The following LRRC4C variants were observed in gnomAD, a reference collection of about 807,000 sequenced individuals.
LRRC4C encodes the protein leucine rich repeat containing 4C.
LRRC4C carries 5 observed loss-of-function variants against 33.6 expected under a neutral mutation model. The ratio of observed to expected loss-of-function variants is 0.15; its 90% CI spans 0.08 to 0.31. The LOEUF (loss-of-function observed/expected upper bound fraction) is 0.31. LRRC4C is among the 10% of genes least tolerant of loss of function. The pLI is 1.00. For missense variants in LRRC4C, 560 were observed against 796.7 expected (o/e 0.70, Z 3.58); for synonymous variants, 329 against 302.0 (o/e 1.09, Z -0.93).
At chr11:40,524,394 T>C (rs756828702) in intron 3 of LRRC4C, among the ~76,000 whole-genome samples, 119 of 152,306 alleles carry the variant, frequency 7.8e-4, no homozygotes, top group Non-Finnish European at 1.2e-3. Flanking sequence ...TCTATTAAAT[T>C]ACCATTATTA....
At chr11:41,184,247 G>GA in intron 1 of LRRC4C, among the ~76,000 whole-genome samples, 1 of 150,524 alleles carries the variant, frequency 6.6e-6, no homozygotes, top group East Asian at 1.9e-4. Flanking sequence ...TTTCTCTTCA[G>GA]AAAATGCGTT....
intron 1 of LRRC4C, among the ~76,000 whole-genome samples, chr11:41,068,238 C>T (rs188648838): frequency 2.8e-4 from 42 of 152,078 alleles, no homozygotes; most frequent in African/African-American, 8.7e-4. Flanking sequence ...ATTAAAAATA[C>T]AAAAATTAGC....
At chr11:41,065,864 A>G (rs1938196067) in intron 1 of LRRC4C, among the ~76,000 whole-genome samples, 3 of 152,212 alleles carry the variant, frequency 2.0e-5, no homozygotes, top group Admixed American at 6.5e-5. Flanking sequence ...AGAAATAACA[A>G]CAACATCAAC....
rs1254265996 is a variant in LRRC4C at position 41,145,016 on chromosome 11, T to C, written c.-495-211293A>G. ...GCTAGAGTCACAATTTCTTCTTTGG[T>C]AAAATAGAGATAATAACATTGTTCA... is the stretch of plus-strand genomic sequence containing the variant. On this transcript the variant is annotated intron_variant, in intron 1 of 6. Transcript: ENST00000528697. Among the ~76,000 whole-genome samples, 4 of 152,164 alleles carry C rather than the reference T, an allele frequency of 2.6e-5. No individual in the cohort carries two copies. In the East Asian group the frequency reaches 7.7e-4, roughly 29 times the overall value.
intron 1 of LRRC4C, among the ~76,000 whole-genome samples, chr11:41,301,665 A>G (rs950327395): frequency 2.6e-5 from 4 of 152,104 alleles, no homozygotes; most frequent in African/African-American, 7.2e-5. Context: ...ATATTAAATA[A>G]TTTTCTTATA....
intron 2 of LRRC4C, among the ~76,000 whole-genome samples, chr11:40,925,703 C>T (rs1957383959): frequency 6.6e-6 from 1 of 152,126 alleles, no homozygotes. Context: ...CTGAAATTAT[C>T]ACTATGTAGC....
intron 2 of LRRC4C, among the ~76,000 whole-genome samples, chr11:40,670,358 T>C (rs1944028468): frequency 6.6e-6 from 1 of 152,218 alleles, no homozygotes; most frequent in South Asian, 2.1e-4. Context: ...TCCTTGTGGC[T>C]ACATGTAGAC....
chr11:40,654,683 A>C (rs1591381805), intron 2 of LRRC4C, among the ~76,000 whole-genome samples: 1 of 152,318 alleles, frequency 6.6e-6, no homozygotes, highest in East Asian at 1.9e-4. Context: ...TACCGAATTA[A>C]GACTTTGGGG....
intron 1 of LRRC4C, among the ~76,000 whole-genome samples, chr11:41,348,755 G>A (rs1205872229): frequency 6.6e-6 from 1 of 152,170 alleles, no homozygotes; most frequent in Non-Finnish European, 1.5e-5. Flanking sequence ...TTCTGGCCCT[G>A]AGTGGCTCCT....
chr11:40,776,457 G>T (rs903092452), intron 2 of LRRC4C, among the ~76,000 whole-genome samples: 1 of 151,852 alleles, frequency 6.6e-6, no homozygotes, highest in Non-Finnish European at 1.5e-5. Context: ...ATTTAATCTT[G>T]TGAGGTTGTG....
At chr11:41,122,527 C>T (rs1327482104) in intron 1 of LRRC4C, among the ~76,000 whole-genome samples, 1 of 151,892 alleles carries the variant, frequency 6.6e-6, no homozygotes, top group Admixed American at 6.6e-5. Context: ...ATCTGGATCA[C>T]TTATTTTTAA....
chr11:40,879,277 T>G (rs1168935728), intron 2 of LRRC4C, among the ~76,000 whole-genome samples: 1 of 152,204 alleles, frequency 6.6e-6, no homozygotes, highest in Non-Finnish European at 1.5e-5. Flanking sequence ...CTCCATCACT[T>G]GTTGGAGTGA....
intron 3 of LRRC4C, among the ~76,000 whole-genome samples, chr11:40,382,123 ATTTT>A (rs77934711): frequency 8.0e-5 from 8 of 99,976 alleles, no homozygotes; most frequent in South Asian, 3.3e-4. Context: ...TGCCCGGCTA[ATTTT>A]TTTTTTTTTT....
Position 40,493,298 on chromosome 11 carries a change from C to CA in LRRC4C, c.-270+154843dup, listed in dbSNP as rs914994103. Among the ~76,000 whole-genome samples the CA allele has an allele frequency of 2.6e-5, 4 of 151,872 alleles. No homozygotes were observed. The East Asian group carries it at 7.7e-4, about 29-fold the overall frequency. On this transcript the variant is annotated intron_variant, in intron 3 of 6. Transcript: ENST00000528697. Reference sequence around the variant, plus strand: ...TATATAATTTTTGAGCCTGTAGATCCAGCTTTGTCTATACCTATTCCAAAA... The same window carrying CA: ...TATATAATTTTTGAGCCTGTAGATCCAAGCTTTGTCTATACCTATTCCAAAA...
At chr11:40,816,110 A>G (rs935819080) in intron 2 of LRRC4C, among the ~76,000 whole-genome samples, 1 of 152,200 alleles carries the variant, frequency 6.6e-6, no homozygotes, top group South Asian at 2.1e-4. Context: ...AGGAGTAAGT[A>G]AAGCTCAAAG....
chr11:40,611,707 C>T (rs1019772366), intron 3 of LRRC4C, among the ~76,000 whole-genome samples: 1 of 151,628 alleles, frequency 6.6e-6, no homozygotes, highest in African/African-American at 2.4e-5. Context: ...GTGCAAAGGG[C>T]TTGGATAGAC....
At chr11:40,595,708 C>A (rs1278585539) in intron 3 of LRRC4C, among the ~76,000 whole-genome samples, 1 of 152,118 alleles carries the variant, frequency 6.6e-6, no homozygotes, top group African/African-American at 2.4e-5. Flanking sequence ...AAACGCCTAT[C>A]TTTATACTTC....
chr11:40,449,440 G>A (rs1267618586), intron 3 of LRRC4C, among the ~76,000 whole-genome samples: 1 of 151,784 alleles, frequency 6.6e-6, no homozygotes, highest in African/African-American at 2.4e-5. Flanking sequence ...GAAATAAACA[G>A]TGAAATCTTT....
At chr11:41,337,126 C>T (rs1348465138) in intron 1 of LRRC4C, among the ~76,000 whole-genome samples, 1 of 152,000 alleles carries the variant, frequency 6.6e-6, no homozygotes, top group Admixed American at 6.6e-5. Flanking sequence ...CTCACTGAAG[C>T]CTCCAACTCC....
Sources: allele counts gnomAD v4.1 joint callset (sites outside exome capture counted in the v4.1 genomes callset), GRCh38; gene constraint gnomAD v4.1.1; transcripts MANE v1.5; gene names NCBI Gene and HGNC (gene_info 2026-07-23, HGNC 2026-07-21).